Variants in HPSE2 observed in about 807,000 individuals in gnomAD.
The protein encoded by HPSE2 is inactive heparanase-2.
Under a neutral mutation model 60.5 loss-of-function variants are expected in HPSE2, and 38 were observed. That is an observed-to-expected ratio of 0.63 (90% confidence interval 0.48 to 0.82). HPSE2 has a LOEUF of 0.82. Among genes scored for constraint, HPSE2 ranks in the 40% least tolerant of loss-of-function variants. The pLI is 0.00. For missense variants in HPSE2, 713 were observed against 740.4 expected (o/e 0.96, Z 0.43); for synonymous variants, 295 against 293.2 (o/e 1.01, Z -0.06).
upstream of HPSE2, among the ~76,000 whole-genome samples, chr10:99,238,679 A>G (rs1036585949): frequency 6.6e-6 from 1 of 152,230 alleles, no homozygotes; most frequent in Non-Finnish European, 1.5e-5. Context: ...GCTGCCACAC[A>G]TATACCATAT....
intron 9 of HPSE2, among the ~76,000 whole-genome samples, chr10:98,493,844 CA>C (rs1941741914): frequency 6.6e-6 from 1 of 152,150 alleles, no homozygotes; most frequent in Non-Finnish European, 1.5e-5. Context: ...TTCTATGTTA[CA>C]GCTTTTTTGT....
chr10:99,097,335 A>G (rs1275276702), intron 3 of HPSE2, among the ~76,000 whole-genome samples: 1 of 152,234 alleles, frequency 6.6e-6, no homozygotes, highest in Non-Finnish European at 1.5e-5. Flanking sequence ...AGTCCCTACA[A>G]AGCTAAAAAG....
the HPSE2 span, among the ~76,000 whole-genome samples, chr10:99,303,034 G>A: frequency 6.6e-6 from 1 of 152,026 alleles, no homozygotes; most frequent in African/African-American, 2.4e-5. Context: ...ATCATCCCAC[G>A]ATTTGGATTA....
At chr10:98,623,361 C>T (rs1056448409) in intron 7 of HPSE2, among the ~76,000 whole-genome samples, 1 of 151,964 alleles carries the variant, frequency 6.6e-6, no homozygotes, top group Non-Finnish European at 1.5e-5. Flanking sequence ...AGAGTGATTG[C>T]TAATCAGTAT....
At chr10:98,513,563 C>G (rs373745275) in intron 9 of HPSE2, among the ~76,000 whole-genome samples, 1 of 152,054 alleles carries the variant, frequency 6.6e-6, no homozygotes, top group African/African-American at 2.4e-5. Flanking sequence ...AACTTGCACA[C>G]AAAATTACAA....
At chr10:99,244,958 C>A in the HPSE2 span, among the ~76,000 whole-genome samples, 1 of 151,988 alleles carries the variant, frequency 6.6e-6, no homozygotes, top group African/African-American at 2.4e-5. Flanking sequence ...TTATATTAAA[C>A]CTTATCAGCC....
intron 3 of HPSE2, among the ~76,000 whole-genome samples, chr10:98,893,255 C>A (rs1022652455): frequency 1.3e-5 from 2 of 151,876 alleles, no homozygotes; most frequent in South Asian, 4.1e-4. Flanking sequence ...TTAGTAGAGA[C>A]AGGGTTTCTC....
intron 9 of HPSE2, among the ~76,000 whole-genome samples, chr10:98,517,410 C>T (rs1402291245): frequency 2.0e-5 from 3 of 152,152 alleles, no homozygotes; most frequent in Admixed American, 6.5e-5. Flanking sequence ...TAGAGTGTGG[C>T]AAATGGAAAA....
intron 5 of HPSE2, among the ~76,000 whole-genome samples, chr10:98,716,172 G>A (rs865952736): frequency 1.3e-5 from 2 of 151,840 alleles, no homozygotes; most frequent in African/African-American, 4.8e-5. Flanking sequence ...ATTCTATCAT[G>A]AGATTGCAAC....
chr10:98,614,711 G>A (rs545451327), intron 9 of HPSE2, among the ~76,000 whole-genome samples, 193 bp downstream of exon 9: 1 of 152,204 alleles, frequency 6.6e-6, no homozygotes, highest in African/African-American at 2.4e-5. Context: ...ATGTGTGTGT[G>A]TGTGTGTGTG....
intron 3 of HPSE2, among the ~76,000 whole-genome samples, chr10:99,122,772 T>C (rs1026587919): frequency 2.0e-5 from 3 of 152,062 alleles, no homozygotes; most frequent in Admixed American, 1.3e-4. Context: ...TGGAATCCAG[T>C]GATGAATTTT....
chr10:98,536,203 G>C (rs1053771709), intron 9 of HPSE2, among the ~76,000 whole-genome samples: 3 of 152,202 alleles, frequency 2.0e-5, no homozygotes, highest in African/African-American at 4.8e-5. Context: ...AGGTGGAATG[G>C]ACAACAGAAA....
chr10:98,694,760 C>T (rs1172494259), intron 5 of HPSE2, among the ~76,000 whole-genome samples: 4 of 152,174 alleles, frequency 2.6e-5, no homozygotes, highest in Non-Finnish European at 5.9e-5. Context: ...TCTCCTTCTC[C>T]CTATCCACAT....
intron 9 of HPSE2, among the ~76,000 whole-genome samples, chr10:98,553,484 T>C (rs1444198294): frequency 6.6e-6 from 1 of 152,218 alleles, no homozygotes; most frequent in Non-Finnish European, 1.5e-5. Context: ...TGCTCAGACA[T>C]GCATCATTAT....
At chr10:98,969,809 C>T (rs547579571) in intron 3 of HPSE2, among the ~76,000 whole-genome samples, 2 of 152,230 alleles carry the variant, frequency 1.3e-5, no homozygotes, top group African/African-American at 2.4e-5. Context: ...TTAATTGGCT[C>T]ATAGTTCTGT....
intron 3 of HPSE2, among the ~76,000 whole-genome samples, chr10:98,845,353 G>A (rs574033181): frequency 2.1e-4 from 32 of 152,306 alleles, no homozygotes; most frequent in African/African-American, 7.0e-4. Flanking sequence ...TATACTGTTT[G>A]TTACAGGTGG....
At chr10:98,829,542 G>A (rs1225687720) in intron 3 of HPSE2, among the ~76,000 whole-genome samples, 1 of 151,872 alleles carries the variant, frequency 6.6e-6, no homozygotes, top group African/African-American at 2.4e-5. Context: ...AAAAAAAGAT[G>A]AAGAAAGTTC....
intron 2 of HPSE2, among the ~76,000 whole-genome samples, chr10:99,198,799 T>A (rs1848483982): frequency 6.6e-6 from 1 of 152,188 alleles, no homozygotes; most frequent in Non-Finnish European, 1.5e-5. Flanking sequence ...TAATTAATCA[T>A]CGTGCATATG....
the HPSE2 span, among the ~76,000 whole-genome samples, chr10:99,241,827 A>C: frequency 6.6e-6 from 1 of 152,238 alleles, no homozygotes. Flanking sequence ...CCTGTCTCCC[A>C]CACGTGCCAC....
Sources: allele counts gnomAD v4.1 joint callset (sites outside exome capture counted in the v4.1 genomes callset), GRCh38; gene constraint gnomAD v4.1.1; transcripts MANE v1.5; gene names NCBI Gene and HGNC (gene_info 2026-07-23, HGNC 2026-07-21).